The following RPGR variants were observed in gnomAD, a reference collection of about 807,000 sequenced individuals.
RPGR encodes retinitis pigmentosa GTPase regulator.
Under a neutral mutation model 56.3 loss-of-function variants are expected in RPGR, and 10 were observed. The observed-to-expected ratio is 0.18, with a 90% CI of 0.11 to 0.30. RPGR has a LOEUF of 0.30. RPGR is among the 10% of genes least tolerant of loss of function. The pLI is 1.00. For missense variants in RPGR, 538 were observed against 590.9 expected, an observed-to-expected ratio of 0.91 and a Z score of 0.93; for synonymous variants, 197 against 212.9, an observed-to-expected ratio of 0.93 and a Z score of 0.65.
intron 5 of RPGR, 113 bp downstream of exon 5, chrX:38,318,712 CATAG>C: frequency 9.2e-6 from 7 of 761,964 alleles, no homozygotes; most frequent in Admixed American, 2.6e-5. Context: ...TCTGAAAGCA[CATAG>C]ATAGTCGATG....
intron 17 of RPGR, among the ~76,000 whole-genome samples, chrX:38,274,631 A>G (rs1006392374): frequency 9.0e-6 from 1 of 111,462 alleles, no homozygotes; most frequent in Admixed American, 9.5e-5. Flanking sequence ...CCTGGACAAT[A>G]TGGCAAAACC....
intron 11 of RPGR, among the ~76,000 whole-genome samples, chrX:38,296,999 A>G (rs1285209676): frequency 9.0e-6 from 1 of 111,601 alleles, no homozygotes; most frequent in Non-Finnish European, 1.9e-5. Flanking sequence ...AAGTTCATCA[A>G]GTGGTTTCAG....
At chrX:38,305,800 AG>A (rs2067587885) in intron 7 of RPGR, among the ~76,000 whole-genome samples, 5 of 103,665 alleles carry the variant, frequency 4.8e-5, no homozygotes, top group African/African-American at 1.7e-4. Context: ...ATAAAATAAA[AG>A]TAGTTTAATA....
chrX:38,295,984 C>G (rs766054594), intron 11 of RPGR: 1 of 112,205 alleles, frequency 8.9e-6, no homozygotes, highest in Non-Finnish European at 1.9e-5. Context: ...TTGAAACTTA[C>G]AGTAATTTTC....
intron 7 of RPGR, among the ~76,000 whole-genome samples, chrX:38,305,572 CCT>C (rs1405069308): frequency 9.2e-6 from 1 of 108,745 alleles, no homozygotes; most frequent in Non-Finnish European, 1.9e-5. Flanking sequence ...GTGGTGAAAC[CCT>C]GTCTCTACTA....
intron 2 of RPGR, 106 bp downstream of exon 2, chrX:38,323,293 C>A: frequency 2.5e-6 from 2 of 797,169 alleles, no homozygotes; most frequent in South Asian, 2.5e-5. Flanking sequence ...AAAAACAACA[C>A]TTTTGATAAT....
chrX:38,304,719 A>G lies in RPGR; in HGVS notation c.850T>C (p.Ser284Pro). The G allele has an allele frequency of 8.3e-7, 1 of 1,206,500 alleles. No homozygotes were observed. Among genetic ancestry groups the G allele is most frequent in the East Asian group, 3.0e-5 (1 of 33,774 alleles). The change falls in exon 8 of 19, where the codon TCA becomes CCA. Residue 284 changes from serine to proline, a missense_variant. Ser to Pro is a moderately conservative substitution (Grantham distance 74, BLOSUM62 -1). This residue lies in a region of RPGR where 181 missense variants were observed against 265.1 expected (regional missense o/e 0.68). Coordinates refer to ENST00000642395, the MANE Select transcript of RPGR (RefSeq NM_000328.3). The stretch of plus-strand genomic sequence containing the variant: ...ATATTCTCAATGACTTTGGGTTCTG[A>G]AGTTTCAAAAAGAAAAGTGCCAAGA...
At chrX:38,320,888 C>G (rs1276869430) in intron 4 of RPGR, 139 bp downstream of exon 4, 1 of 513,409 alleles carries the variant, frequency 1.9e-6, no homozygotes, top group East Asian at 3.7e-5. Flanking sequence ...CAAACGTGTA[C>G]TAGCCATTGA....
chrX:38,273,247 C>T (rs779307972), intron 18 of RPGR: 164 of 462,568 alleles, frequency 3.5e-4, no homozygotes, highest in Non-Finnish European at 5.4e-4. Context: ...TAAAAATATG[C>T]GACATCACCT....
chrX:38,295,718 C>A (rs947333317), intron 11 of RPGR, among the ~76,000 whole-genome samples: 2 of 111,593 alleles, frequency 1.8e-5, no homozygotes, highest in Non-Finnish European at 3.8e-5. Flanking sequence ...CCATGGCCCA[C>A]AATTCTTACC....
chrX:38,286,697 G>A lies in RPGR; in HGVS notation c.1905+397C>T, dbSNP rs1321272383. The A allele has an allele frequency of 1.1e-5, 12 of 1,082,367 alleles. No individual in the cohort carries two copies. The highest frequency in any genetic ancestry group is 1.2e-5 in the Non-Finnish European group (10 of 832,266). The allele number at this position is 1,082,367 out of a possible 1,213,427, so 89.2% of individuals were successfully genotyped here. Reference sequence around the variant, plus strand: ...TTCCTCTCTCCTTCCTCCTTTTCACGTTCTCCCTCCACTTCTTCCCCTTCT... The same window carrying A: ...TTCCTCTCTCCTTCCTCCTTTTCACATTCTCCCTCCACTTCTTCCCCTTCT... On this transcript the variant is annotated intron_variant, in intron 15 of 18. Coordinates refer to ENST00000642395, the MANE Select transcript of RPGR (RefSeq NM_000328.3).
chrX:38,319,033 T>C (rs760248074), intron 4 of RPGR, 46 bp from the exon 5 acceptor site: 1 of 1,166,237 alleles, frequency 8.6e-7, no homozygotes. Flanking sequence ...AGTCCCCCTT[T>C]TTATGAGACA....
chrX:38,292,964 CA>C (rs1018703290), intron 11 of RPGR, among the ~76,000 whole-genome samples: 5 of 111,611 alleles, frequency 4.5e-5, no homozygotes, highest in African/African-American at 1.6e-4. Context: ...GAAGGCTTAC[CA>C]AATCCCAGAA....
At chrX:38,277,866 A>C (rs1014806388) in intron 15 of RPGR, among the ~76,000 whole-genome samples, 3 of 112,017 alleles carry the variant, frequency 2.7e-5, no homozygotes, top group Non-Finnish European at 5.6e-5. Flanking sequence ...TTCTTCTGGT[A>C]AAAATATAAA....
chrX:38,276,572 C>T, intron 16 of RPGR: 1 of 1,204,881 alleles, frequency 8.3e-7, no homozygotes, highest in Non-Finnish European at 1.1e-6. Context: ...AGGATTTAAG[C>T]ATCTATCATC....
rs143521661 is a variant in RPGR, at chrX:38,322,878, G to A, written c.222C>T (p.Ala74=). ...CTTTGACACATGTTGGCTTGCTGAT[G>A]GCTGACTTTGATCCTAATCCTAACT... Residue 74 remains alanine, a synonymous_variant, in exon 3 of 19, where the codon GCC becomes GCT. Coordinates refer to ENST00000642395, the MANE Select transcript of RPGR (RefSeq NM_000328.3). 6.0e-4 allele frequency: 725 copies of A among 1,208,370 alleles called. No homozygotes were observed. Among genetic ancestry groups the A allele is most frequent in the Middle Eastern group, 1.8e-3 (8 of 4,365 alleles).
At chrX:38,284,557 G>A (rs762362189) in intron 15 of RPGR, 7 of 750,158 alleles carry the variant, frequency 9.3e-6, no homozygotes, top group African/African-American at 4.6e-5. Flanking sequence ...GAAATGATAG[G>A]AGTTTAGAAA....
intron 3 of RPGR, among the ~76,000 whole-genome samples, chrX:38,322,572 C>G (rs1569261581): frequency 8.9e-6 from 1 of 111,807 alleles, no homozygotes; most frequent in Non-Finnish European, 1.9e-5. Context: ...GTTTTACAAA[C>G]TAACAAACAA....
At position 38,320,278 on chromosome X, in the gene RPGR, C is replaced by A. The variant is rs867321336; in HGVS notation, c.310+749G>T. ...AGAATAAGTGGTGGTGGGGGAGGGG[C>A]GGGGCAAGGGGCAGGGGCAGGGGGA... On this transcript the variant is annotated intron_variant, in intron 4 of 18. Coordinates refer to ENST00000642395, the MANE Select transcript of RPGR (RefSeq NM_000328.3). Among the ~76,000 whole-genome samples the A allele has an allele frequency of 2.1e-3, 8 of 3,780 alleles. No individual in the cohort carries two copies. In the Admixed American group the frequency reaches 0.024, roughly 11 times the overall value. 3.3% of individuals were successfully genotyped at this position (3,780 alleles called of 115,157 possible). A position where few individuals can be genotyped will look rare whatever the true frequency, so the allele number is the denominator to read the frequency against.
Sources: gnomAD v4.1 joint callset for allele counts (sites outside exome capture counted in the v4.1 genomes callset) on GRCh38, gnomAD v4.1.1 for gene constraint, gnomAD v4.1.1 regional missense constraint, MANE v1.5 for transcripts, NCBI Gene and HGNC (gene_info 2026-07-23, HGNC 2026-07-21) for gene names.